Variants in GRAMD1C observed in about 807,000 individuals in gnomAD.
GRAMD1C encodes protein Aster-C.
In GRAMD1C, 89 loss-of-function variants were observed where a neutral mutation model predicts 97.8. That is an observed-to-expected ratio of 0.91 (90% CI 0.77 to 1.09). GRAMD1C has a LOEUF of 1.09. Ranked by LOEUF, GRAMD1C falls within the 50% of genes least tolerant of loss-of-function variation. The pLI is 0.00. For missense variants in GRAMD1C, 740 were observed against 766.4 expected, an observed-to-expected ratio of 0.97 and a Z score of 0.41; for synonymous variants, 256 against 267.0, an observed-to-expected ratio of 0.96 and a Z score of 0.40.
intron 2 of GRAMD1C, among the ~76,000 whole-genome samples, chr3:113,862,564 G>A (rs1460200519): frequency 1.3e-5 from 2 of 152,048 alleles, no homozygotes; most frequent in Admixed American, 6.6e-5. Flanking sequence ...CATGCTCTAC[G>A]AATAATTTGT....
At chr3:113,837,428 G>T (rs1157779791), upstream of GRAMD1C, among the ~76,000 whole-genome samples, 2 of 152,108 alleles carry the variant, frequency 1.3e-5, no homozygotes, top group Admixed American at 6.5e-5. Context: ...AAGGTGGTTG[G>T]GGTACAGCTT....
chr3:113,898,536 C>T (rs887267936), intron 6 of GRAMD1C, among the ~76,000 whole-genome samples: 5 of 152,046 alleles, frequency 3.3e-5, no homozygotes, highest in African/African-American at 1.2e-4. Flanking sequence ...CCTTTAATAT[C>T]AAGGACAGTG....
At chr3:113,909,146 T>A in intron 9 of GRAMD1C, 26 bp downstream of exon 9, 1 of 1,210,024 alleles carries the variant, frequency 8.3e-7, no homozygotes, top group Non-Finnish European at 1.1e-6. Context: ...TAAATTTTAT[T>A]AAATTTCAGT....
intron 8 of GRAMD1C, among the ~76,000 whole-genome samples, chr3:113,905,441 A>G (rs1472717126): frequency 6.6e-6 from 1 of 152,194 alleles, no homozygotes; most frequent in East Asian, 1.9e-4. Context: ...GCTGATTGGG[A>G]TGCAAGTTTG....
chr3:113,943,468 C>T (rs1937904231), intron 17 of GRAMD1C, among the ~76,000 whole-genome samples: 1 of 152,202 alleles, frequency 6.6e-6, no homozygotes, highest in Non-Finnish European at 1.5e-5. Context: ...ATCCCTCACT[C>T]CCCCTGACCC....
chr3:113,833,338 A>G (rs1559769533), intron 1 of GRAMD1C, among the ~76,000 whole-genome samples: 1 of 151,834 alleles, frequency 6.6e-6, no homozygotes, highest in Non-Finnish European at 1.5e-5. Context: ...GGGTTTCTCC[A>G]TGTTGGTCAG....
At chr3:113,868,581 A>G (rs1453733299) in intron 2 of GRAMD1C, among the ~76,000 whole-genome samples, 1 of 152,092 alleles carries the variant, frequency 6.6e-6, no homozygotes, top group Non-Finnish European at 1.5e-5. Flanking sequence ...TTGGCTTCCT[A>G]GGGATCACCT....
At chr3:113,917,556 A>G (rs549053638) in intron 10 of GRAMD1C, among the ~76,000 whole-genome samples, 1 of 152,172 alleles carries the variant, frequency 6.6e-6, no homozygotes, top group African/African-American at 2.4e-5. Context: ...TCCTGGGCTC[A>G]AGCAATCTAA....
chr3:113,841,842 T>C (rs1577113845), intron 1 of GRAMD1C, among the ~76,000 whole-genome samples: 1 of 152,142 alleles, frequency 6.6e-6, no homozygotes, highest in Non-Finnish European at 1.5e-5. Context: ...GGACTACATG[T>C]GTGTACCACT....
intron 1 of GRAMD1C, among the ~76,000 whole-genome samples, chr3:113,841,429 G>T (rs1278559442): frequency 6.6e-6 from 1 of 151,558 alleles, no homozygotes; most frequent in Admixed American, 6.6e-5. Flanking sequence ...GGGATTACAG[G>T]CACGTACCAC....
chr3:113,896,271 CT>C (rs1307673919), intron 6 of GRAMD1C, among the ~76,000 whole-genome samples: 2 of 152,180 alleles, frequency 1.3e-5, no homozygotes, highest in Non-Finnish European at 1.5e-5. Flanking sequence ...TATACTCCCT[CT>C]ATTTTGAAAT....
intron 6 of GRAMD1C, chr3:113,891,011 G>C (rs79717238): frequency 2.2e-6 from 1 of 446,838 alleles, no homozygotes; most frequent in Non-Finnish European, 4.0e-6. Context: ...TGTTTCTGAT[G>C]TATACACACG....
Position 113,849,025 on chromosome 3 carries a change from T to TA in GRAMD1C, c.174+4377dup, listed in dbSNP as rs149673298. 8.7e-3 allele frequency among the ~76,000 whole-genome samples: 1,319 copies of TA among 152,136 alleles called. 20 individuals carry two copies. Among genetic ancestry groups the TA allele is most frequent in the African/African-American group, 0.028 (1,154 of 41,526 alleles). ...CAAAAAACTCTTAAAACAAAAGACTTACTTTCTTCTTGGCTAGAGTAATAG... is the reference window on the plus strand; with the variant it reads ...CAAAAAACTCTTAAAACAAAAGACTTAACTTTCTTCTTGGCTAGAGTAATAG... On this transcript the variant is annotated intron_variant, in intron 2 of 17. Transcript: ENST00000358160.
intron 6 of GRAMD1C, among the ~76,000 whole-genome samples, chr3:113,884,873 G>A (rs1442547025): frequency 6.7e-6 from 1 of 148,526 alleles, no homozygotes; most frequent in Non-Finnish European, 1.5e-5. Context: ...AGAGAGAGGC[G>A]CAGCGGACCA....
intron 3 of GRAMD1C, among the ~76,000 whole-genome samples, chr3:113,874,186 A>T (rs1449080103): frequency 6.6e-6 from 1 of 152,224 alleles, no homozygotes; most frequent in African/African-American, 2.4e-5. Flanking sequence ...TTTAAAATTT[A>T]GCAGTTAAGC....
rs980981830 is a variant in GRAMD1C, at chr3:113,934,787, A to G, written c.1456+252A>G. On this transcript the variant is annotated intron_variant, in intron 13 of 17. Coordinates refer to ENST00000358160, the MANE Select transcript of GRAMD1C (RefSeq NM_017577.5). ...GAGATGGAGTCTTGCTTTGTTGCCT[A>G]GGCTGGAGTGCAGTGGTGCGATCTT... 3.9e-5 allele frequency among the ~76,000 whole-genome samples: 6 copies of G among 152,078 alleles called. No homozygotes were observed. In the East Asian group the frequency reaches 1.2e-3, roughly 29 times the overall value.
chr3:113,911,733 CTTT>C (rs1936601966), intron 9 of GRAMD1C, among the ~76,000 whole-genome samples: 1 of 28,342 alleles, frequency 3.5e-5, no homozygotes, highest in Non-Finnish European at 7.2e-5. Flanking sequence ...CCTTCCTTTT[CTTT>C]CTTTCTTTCC....
rs1191880197 is a variant in GRAMD1C, at chr3:113,917,854, GGCT to G, written c.1090+2017_1090+2019del. ...ATTACAGGCGTGCACCACCATGCTT[GGCT>G]TTTTTTTTTTTTTTTTTTTTTTTTG... On this transcript the variant is annotated intron_variant, in intron 10 of 17. Coordinates refer to ENST00000358160, the MANE Select transcript of GRAMD1C (RefSeq NM_017577.5). Among the ~76,000 whole-genome samples, 22 of 110,386 alleles carry G rather than the reference GGCT, an allele frequency of 2.0e-4. No homozygotes were observed. The Admixed American group carries it at 2.0e-3, about 10-fold the overall frequency. The allele number at this position is 110,386 out of a possible 152,430, so 72.4% of individuals were successfully genotyped here. A position where few individuals can be genotyped will look rare whatever the true frequency, so the allele number is the denominator to read the frequency against.
rs1244754014 is a variant in GRAMD1C, at chr3:113,933,793, A to G, written c.1352+140A>G. ...CATTTCCAACAGGGGTGAGCAGAGG[A>G]GTGGGGCTTCTCACCTAAGGCCCCC... On this transcript the variant is annotated intron_variant, in intron 12 of 17. Coordinates refer to ENST00000358160, the MANE Select transcript of GRAMD1C (RefSeq NM_017577.5). 8.2e-6 allele frequency: 5 copies of G among 610,900 alleles called. No individual in the cohort carries two copies. In the Admixed American group the frequency reaches 1.2e-4, roughly 15 times the overall value. The allele number at this position is 610,900 out of a possible 1,614,324, so 37.8% of individuals were successfully genotyped here.
Sources: gnomAD v4.1 joint callset for allele counts (sites outside exome capture counted in the v4.1 genomes callset) on GRCh38, gnomAD v4.1.1 for gene constraint, MANE v1.5 for transcripts, NCBI Gene and HGNC (gene_info 2026-07-23, HGNC 2026-07-21) for gene names.